The following ROBO2 variants were observed in gnomAD, a reference collection of about 807,000 sequenced individuals.
The protein encoded by ROBO2 is roundabout homolog 2.
ROBO2 carries 53 observed loss-of-function variants against 160.8 expected under a neutral mutation model. That is an observed-to-expected ratio of 0.33 (90% confidence interval 0.26 to 0.41). The LOEUF (loss-of-function observed/expected upper bound fraction) is 0.41, where lower values mean the gene tolerates loss of function less well. Ranked by LOEUF, ROBO2 falls within the 10% of genes least tolerant of loss-of-function variation. The probability of loss-of-function intolerance (pLI) is 1.00; values close to 1 mark genes in which losing one functional copy is unlikely to be tolerated. For synonymous variants in ROBO2, 664 were observed against 611.7 expected, an observed-to-expected ratio of 1.09 and a Z score of -1.26; for missense variants, 1,577 against 1,722.4, an observed-to-expected ratio of 0.92 and a Z score of 1.49.
At chr3:77,292,635 A>G (rs560825256) in intron 2 of ROBO2, among the ~76,000 whole-genome samples, 3 of 151,598 alleles carry the variant, frequency 2.0e-5, no homozygotes, top group African/African-American at 7.2e-5. Flanking sequence ...TTAAACAGGA[A>G]GTTGAGGCTA....
intron 3 of ROBO2, among the ~76,000 whole-genome samples, chr3:77,478,272 G>A (rs562872288): frequency 3.3e-5 from 5 of 152,110 alleles, no homozygotes; most frequent in Admixed American, 6.5e-5. Context: ...TTAATTTAAG[G>A]TGATGAATAT....
chr3:76,126,896 G>GA (rs1414031082), intron 2 of ROBO2, among the ~76,000 whole-genome samples: 3 of 152,028 alleles, frequency 2.0e-5, no homozygotes, highest in African/African-American at 7.2e-5. Context: ...TCATTAATTT[G>GA]AAAAAACTAC....
At chr3:76,580,216 T>A (rs150910036) in intron 2 of ROBO2, among the ~76,000 whole-genome samples, 9 of 149,046 alleles carry the variant, frequency 6.0e-5, no homozygotes, top group African/African-American at 2.2e-4. Flanking sequence ...CTTATCAAAG[T>A]CATTATTCAT....
At chr3:76,809,529 T>C (rs779797047) in intron 2 of ROBO2, among the ~76,000 whole-genome samples, 1 of 152,130 alleles carries the variant, frequency 6.6e-6, no homozygotes, top group African/African-American at 2.4e-5. Flanking sequence ...CTTGATTGGA[T>C]CAAATCACCA....
intron 2 of ROBO2, among the ~76,000 whole-genome samples, chr3:76,922,657 A>G (rs2076740566): frequency 6.6e-6 from 1 of 152,174 alleles, no homozygotes; most frequent in East Asian, 1.9e-4. Context: ...GGTACTTGGA[A>G]TAGGAAATTA....
At chr3:76,350,834 A>G (rs1273163719) in intron 2 of ROBO2, among the ~76,000 whole-genome samples, 1 of 151,888 alleles carries the variant, frequency 6.6e-6, no homozygotes, top group Non-Finnish European at 1.5e-5. Flanking sequence ...TTTTATAGAC[A>G]TTTTTTCATG....
chr3:76,102,609 A>T (rs1009279169), intron 2 of ROBO2, among the ~76,000 whole-genome samples: 3 of 152,202 alleles, frequency 2.0e-5, no homozygotes, highest in Non-Finnish European at 4.4e-5. Flanking sequence ...GTCAAGAAAG[A>T]TACAGATTGA....
intron 2 of ROBO2, among the ~76,000 whole-genome samples, chr3:76,647,139 G>A (rs545661856): frequency 6.6e-6 from 1 of 152,290 alleles, no homozygotes. Flanking sequence ...GTCAGAGTAG[G>A]GGTCGCATGG....
intron 2 of ROBO2, among the ~76,000 whole-genome samples, chr3:75,954,463 A>G (rs560515573): frequency 5.2e-4 from 79 of 151,926 alleles, no homozygotes; most frequent in South Asian, 1.9e-3. Context: ...TTCAACTCCT[A>G]CTGCTTCAAG....
chr3:76,539,120 C>T (rs1433420171), intron 2 of ROBO2, among the ~76,000 whole-genome samples: 1 of 152,128 alleles, frequency 6.6e-6, no homozygotes, highest in Non-Finnish European at 1.5e-5. Context: ...TGCACGTTCT[C>T]ACTCATAAGT....
intron 19 of ROBO2, 142 bp from the exon 21 acceptor site, chr3:77,602,068 C>T: frequency 1.2e-6 from 1 of 824,962 alleles, no homozygotes; most frequent in Non-Finnish European, 2.0e-6. Context: ...TGTATATCAT[C>T]TACCCTTCAG....
chr3:76,778,485 C>T, intron 2 of ROBO2, among the ~76,000 whole-genome samples: 1 of 150,954 alleles, frequency 6.6e-6, no homozygotes, highest in East Asian at 2.0e-4. Flanking sequence ...GAAGAGCAGA[C>T]CATGATGAAC....
At chr3:77,401,833 A>C (rs1216726455) in intron 2 of ROBO2, among the ~76,000 whole-genome samples, 1 of 152,170 alleles carries the variant, frequency 6.6e-6, no homozygotes, top group Non-Finnish European at 1.5e-5. Context: ...ATCCTTGAGG[A>C]ATCACCACAC....
At chr3:76,163,840 T>C (rs940252584) in intron 2 of ROBO2, among the ~76,000 whole-genome samples, 1 of 152,126 alleles carries the variant, frequency 6.6e-6, no homozygotes, top group African/African-American at 2.4e-5. Context: ...TCTACGTTGA[T>C]GTCAGCTGAC....
At chr3:77,059,165 G>A (rs2066045253) in intron 1 of ROBO2, among the ~76,000 whole-genome samples, 1 of 152,034 alleles carries the variant, frequency 6.6e-6, no homozygotes, top group African/African-American at 2.4e-5. Context: ...ATTATGTTGA[G>A]GACTGGAGAT....
chr3:76,188,837 A>G (rs1462406498), intron 2 of ROBO2, among the ~76,000 whole-genome samples: 1 of 152,114 alleles, frequency 6.6e-6, no homozygotes, highest in Non-Finnish European at 1.5e-5. Flanking sequence ...TATACAGGCA[A>G]TCATCAATGC....
At chr3:76,816,089 T>A (rs1417646644) in intron 2 of ROBO2, among the ~76,000 whole-genome samples, 1 of 152,106 alleles carries the variant, frequency 6.6e-6, no homozygotes, top group African/African-American at 2.4e-5. Flanking sequence ...GAGAAGATTT[T>A]AAATTGCGTG....
At chr3:76,792,125 A>G (rs930323167) in intron 2 of ROBO2, among the ~76,000 whole-genome samples, 20 of 151,884 alleles carry the variant, frequency 1.3e-4, no homozygotes, top group African/African-American at 4.8e-4. Flanking sequence ...AAGTTTTTCA[A>G]CCAAAAATAT....
At chr3:76,955,374 C>G (rs1027673046) in intron 2 of ROBO2, among the ~76,000 whole-genome samples, 1 of 152,074 alleles carries the variant, frequency 6.6e-6, no homozygotes, top group African/African-American at 2.4e-5. Context: ...GGGTATATAT[C>G]TAGAAGTGGA....
Sources: gnomAD v4.1 joint callset for allele counts (sites outside exome capture counted in the v4.1 genomes callset) on GRCh38, gnomAD v4.1.1 for gene constraint, MANE v1.5 for transcripts, NCBI Gene and HGNC (gene_info 2026-07-23, HGNC 2026-07-21) for gene names.